Variants in F5 observed in about 807,000 individuals in gnomAD.
The protein encoded by F5 is coagulation factor V.
F5 carries 138 observed loss-of-function variants against 216.4 expected under a neutral mutation model. The observed-to-expected ratio is 0.64, with a 90% CI of 0.56 to 0.73. The LOEUF (loss-of-function observed/expected upper bound fraction) is 0.73. Among genes scored for constraint, F5 ranks in the 30% least tolerant of loss-of-function variants. The pLI is 0.00. For synonymous variants in F5, 916 were observed against 930.7 expected (o/e 0.98, Z 0.29); for missense variants, 2,403 against 2,674.0 (o/e 0.90, Z 2.24).
intron 3 of F5, among the ~76,000 whole-genome samples, chr1:169,570,485 C>T (rs1175827326): frequency 2.0e-5 from 3 of 152,086 alleles, no homozygotes. Context: ...GGAGAAACTC[C>T]TGTTCCCACT....
chr1:169,545,367 T>C (rs886714727), intron 11 of F5, among the ~76,000 whole-genome samples: 1 of 152,190 alleles, frequency 6.6e-6, no homozygotes, highest in African/African-American at 2.4e-5. Context: ...AAAATATACA[T>C]TGAATTTCAA....
At chr1:169,558,392 T>G (rs1365116415) in intron 5 of F5, among the ~76,000 whole-genome samples, 1 of 152,218 alleles carries the variant, frequency 6.6e-6, no homozygotes, top group Non-Finnish European at 1.5e-5. Flanking sequence ...AGATCTCAAC[T>G]CTTAACAATA....
Position 169,578,220 on chromosome 1 carries a change from G to T in F5, c.250+4211C>A, listed in dbSNP as rs189679256. ...TTCAGGAAGAGATTACATTAAAATG[G>T]ACGTCGAAACACCTTTGTCCACATG... is the stretch of plus-strand genomic sequence containing the variant. On this transcript the variant is annotated intron_variant, in intron 2 of 24. Transcript: ENST00000367797. 6.2e-4 allele frequency among the ~76,000 whole-genome samples: 94 copies of T among 152,300 alleles called. 2 individuals are homozygous for T. The East Asian group carries it at 0.011, about 18-fold the overall frequency.
rs758330742 is a variant in F5, at chr1:169,586,249, T to G, written c.138A>C (p.Arg46=). The G allele has an allele frequency of 3.1e-6, 5 of 1,613,930 alleles. No homozygotes were observed. Among genetic ancestry groups the G allele is most frequent in the Non-Finnish European group, 4.2e-6 (5 of 1,180,026 alleles). Residue 46 remains arginine (R), a synonymous_variant, in exon 1 of 25, where the codon CGA becomes CGC. Transcript: ENST00000367797. ...VAAQGISWSY[R]PEPTNSSLNL... ...GTTACCTTGAGTTTGTGGGCTCAGG[T>G]CGGTAGCTCCAACTGATGCCCTGAG...
rs1571586065 is a variant in F5, at chr1:169,555,053, A to G, written c.1118+129T>C. 6.8e-6 allele frequency: 7 copies of G among 1,035,498 alleles called. No homozygotes were observed. In the East Asian group the frequency reaches 1.7e-4, roughly 25 times the overall value. The allele number at this position is 1,035,498 out of a possible 1,614,324, so 64.1% of individuals were successfully genotyped here. A position where few individuals can be genotyped will look rare whatever the true frequency, so the allele number is the denominator to read the frequency against. The stretch of plus-strand genomic sequence containing the variant: ...GTAATTCAAGATTAATTTTTACAAA[A>G]AGACTTGAATAGAAACCAATACATG... On this transcript the variant is annotated intron_variant, in intron 7 of 24. Coordinates refer to ENST00000367797, the MANE Select transcript of F5 (RefSeq NM_000130.5).
chr1:169,582,456 T>C lies in F5; in HGVS notation c.225A>G (p.Lys75=). The part of the protein sequence containing the change: ...VYREYEPYFK[K]EKPQSTISGL... ...CTGAAATGGTAGATTGTGGTTTTTC[T>C]TTCTTAAAATATGGTTCATACTCTC... The change falls in exon 2 of 25, where the codon AAA becomes AAG. Residue 75 remains lysine (K), a synonymous_variant. Transcript: ENST00000367797. 6.5e-7 allele frequency: 1 copy of C among 1,543,198 alleles called. No individual in the cohort carries two copies. The highest frequency in any genetic ancestry group is 8.9e-7 in the Non-Finnish European group (1 of 1,121,258).
At chr1:169,586,187 T>G in intron 1 of F5, 42 bp downstream of exon 1, 1 of 1,612,320 alleles carries the variant, frequency 6.2e-7, no homozygotes, top group South Asian at 1.1e-5. Flanking sequence ...AAATAGATTT[T>G]CCTCTCTAGA....
chr1:169,543,661 C>G (rs967857797), intron 12 of F5, among the ~76,000 whole-genome samples: 6 of 152,192 alleles, frequency 3.9e-5, no homozygotes, highest in African/African-American at 1.4e-4. Flanking sequence ...AAATGGCATG[C>G]ATTGCTGGAA....
chr1:169,562,115 C>A (rs915973939), intron 3 of F5, among the ~76,000 whole-genome samples: 6 of 152,038 alleles, frequency 3.9e-5, no homozygotes, highest in Admixed American at 2.0e-4. Flanking sequence ...AAACAATTAC[C>A]CAGTCTTATA....
intron 7 of F5, among the ~76,000 whole-genome samples, chr1:169,553,003 A>G (rs998826528): frequency 1.3e-5 from 2 of 152,226 alleles, no homozygotes; most frequent in Admixed American, 1.3e-4. Flanking sequence ...TTATTGCTAC[A>G]GCAGACATTT....
intron 3 of F5, among the ~76,000 whole-genome samples, chr1:169,564,022 A>C (rs979050066): frequency 3.3e-5 from 5 of 152,046 alleles, no homozygotes; most frequent in African/African-American, 1.2e-4. Context: ...CTTGAAATCA[A>C]ATCTTGTTTT....
In F5 at chr1:169,530,876, A is replaced by G. The variant is rs1557910250; in HGVS notation, c.5118T>C (p.Tyr1706=). ...EDNAVQPNSS[Y]TYVWHATERS... ...GCTCAGTGGCATGCCATACGTAGGT[A>G]TAACTGCTATTTGGCTGAACAGCAT... The change falls in exon 15 of 25, where the codon TAT becomes TAC. Residue 1706 remains tyrosine (Y), a synonymous_variant. Coordinates refer to ENST00000367797, the MANE Select transcript of F5 (RefSeq NM_000130.5). The G allele has an allele frequency of 3.1e-6, 5 of 1,614,004 alleles. No individual in the cohort carries two copies. Among genetic ancestry groups the G allele is most frequent in the Admixed American group, 1.7e-5 (1 of 59,998 alleles).
At chr1:169,547,180 C>A (rs1660028840) in intron 10 of F5, among the ~76,000 whole-genome samples, 1 of 151,744 alleles carries the variant, frequency 6.6e-6, no homozygotes, top group Non-Finnish European at 1.5e-5. Flanking sequence ...ATAACAGAAA[C>A]AAACAAACAA....
intron 21 of F5, among the ~76,000 whole-genome samples, chr1:169,522,078 C>T (rs1256460101): frequency 3.3e-5 from 5 of 151,706 alleles, no homozygotes; most frequent in Admixed American, 1.3e-4. Context: ...AACTTAACAA[C>T]GTAGAGGGAA....
At chr1:169,548,529 A>T (rs144029958) in intron 10 of F5, among the ~76,000 whole-genome samples, 196 of 152,292 alleles carry the variant, frequency 1.3e-3, no homozygotes, top group African/African-American at 4.4e-3. Context: ...GCTAAAGGTA[A>T]TATGCAAAAG....
At chr1:169,561,183 G>A (rs1660476881) in intron 3 of F5, among the ~76,000 whole-genome samples, 1 of 152,054 alleles carries the variant, frequency 6.6e-6, no homozygotes, top group South Asian at 2.1e-4. Context: ...AGCTGTTTAT[G>A]TATTATTTTG....
chr1:169,552,619 T>C lies in F5; in HGVS notation c.1234A>G (p.Asn412Asp), dbSNP rs766733559. The C allele has an allele frequency of 1.9e-5, 30 of 1,613,592 alleles. No individual in the cohort carries two copies. The highest frequency in any genetic ancestry group is 2.4e-5 in the Non-Finnish European group (28 of 1,179,748). The stretch of plus-strand genomic sequence containing the variant: ...CCCAAAATCCCATCTTCTTTCATAT[T>C]GGGATTCACTGTATGTTTGGTGAAG... ...ESFTKHTVNP[N>D]MKEDGILGPI... Residue 412 changes from asparagine to aspartate, a missense_variant, in exon 8 of 25, where the codon AAT becomes GAT. Physicochemically the swap from Asn to Asp is conservative, Grantham distance 23. This residue lies in a region of F5 where 1,425 missense variants were observed against 1,554.8 expected (regional missense o/e 0.92). Transcript: ENST00000367797.
chr1:169,572,341 G>A lies in F5; in HGVS notation c.253C>T (p.Leu85Phe), dbSNP rs951287890. The change falls in exon 3 of 25, where the codon CTT becomes TTT. Residue 85 changes from leucine to phenylalanine, a missense_variant and splice_region_variant. Physicochemically the swap from Leu to Phe is conservative, Grantham distance 22 (BLOSUM62 0). Coordinates refer to ENST00000367797, the MANE Select transcript of F5 (RefSeq NM_000130.5). ...KEKPQSTISG[L>F]LGPTLYAEVG... Reference sequence around the variant, plus strand: ...TCAGCATATAAAGTAGGCCCAAGAAGTCCTGTGAAAACAAATATTTAAACT... The same window carrying A: ...TCAGCATATAAAGTAGGCCCAAGAAATCCTGTGAAAACAAATATTTAAACT... 1.2e-6 allele frequency: 2 copies of A among 1,613,074 alleles called. No homozygotes were observed. The highest frequency in any genetic ancestry group is 1.7e-6 in the Non-Finnish European group (2 of 1,179,562).
intron 6 of F5, 137 bp from the exon 7 acceptor site, chr1:169,555,484 G>T: frequency 1.0e-6 from 1 of 973,260 alleles, no homozygotes; most frequent in Non-Finnish European, 1.6e-6. Flanking sequence ...GGCAATTTTT[G>T]AACATTTTAG....
Sources: allele counts gnomAD v4.1 joint callset (sites outside exome capture counted in the v4.1 genomes callset), GRCh38; gene constraint gnomAD v4.1.1; regional missense constraint gnomAD v4.1.1; transcripts MANE v1.5; gene names NCBI Gene and HGNC (gene_info 2026-07-23, HGNC 2026-07-21).